FGF13: variants seen among roughly 807,000 people sequenced by gnomAD.
FGF13 encodes the protein fibroblast growth factor homologous factor 2.
Under a neutral mutation model 19.5 loss-of-function variants are expected in FGF13, and 2 were observed. The observed-to-expected ratio is 0.10, with a 90% CI of 0.04 to 0.32. The LOEUF (loss-of-function observed/expected upper bound fraction) is 0.32. Ranked by LOEUF, FGF13 falls within the 10% of genes least tolerant of loss-of-function variation. FGF13 has a pLI of 1.00. For missense variants in FGF13, 113 were observed against 192.7 expected (o/e 0.59, Z 2.45); for synonymous variants, 72 against 76.9 (o/e 0.94, Z 0.33).
intron 1 of FGF13, among the ~76,000 whole-genome samples, chrX:138,966,940 C>A (rs2091897466): frequency 9.0e-6 from 1 of 111,555 alleles, no homozygotes; most frequent in African/African-American, 3.3e-5. Context: ...GGGCTTCCCC[C>A]TTTGCTCAGC....
chrX:138,642,040 C>T (rs190173453), intron 3 of FGF13, among the ~76,000 whole-genome samples: 45 of 110,840 alleles, frequency 4.1e-4, no homozygotes, highest in Non-Finnish European at 1.9e-5. Context: ...CTACATTTTC[C>T]AATGAATAGA....
chrX:139,195,028 C>T (rs2148280110), intron 1 of FGF13, among the ~76,000 whole-genome samples: 1 of 112,110 alleles, frequency 8.9e-6, no homozygotes, highest in East Asian at 2.8e-4. Flanking sequence ...TGCCAAGTTT[C>T]ACCTTCGGTG....
intron 3 of FGF13, among the ~76,000 whole-genome samples, chrX:138,800,952 T>C (rs2090823856): frequency 8.9e-6 from 1 of 112,349 alleles, no homozygotes; most frequent in Non-Finnish European, 1.9e-5. Flanking sequence ...TGTTCTTCTC[T>C]AAACTGGCTA....
intron 1 of FGF13, among the ~76,000 whole-genome samples, chrX:139,096,936 C>G (rs2083474336): frequency 8.9e-6 from 1 of 112,090 alleles, no homozygotes; most frequent in African/African-American, 3.2e-5. Flanking sequence ...TATACCAACT[C>G]TTCCAGAGAA....
intron 1 of FGF13, among the ~76,000 whole-genome samples, chrX:138,893,774 T>C (rs947741332): frequency 9.0e-6 from 1 of 111,457 alleles, no homozygotes; most frequent in Admixed American, 9.5e-5. Context: ...GTGCCCAGCA[T>C]AGACACCCAC....
intron 3 of FGF13, among the ~76,000 whole-genome samples, chrX:138,681,918 A>T (rs1378862352): frequency 8.9e-6 from 1 of 112,032 alleles, no homozygotes; most frequent in Non-Finnish European, 1.9e-5. Context: ...AACAATTATA[A>T]GAGTAACATC....
At chrX:138,773,349 C>A (rs941553786) in intron 3 of FGF13, among the ~76,000 whole-genome samples, 14 of 111,897 alleles carry the variant, frequency 1.3e-4, no homozygotes, top group African/African-American at 4.6e-4. Context: ...CCTCAGAGGA[C>A]AAAGGAGCAA....
At chrX:138,764,347 C>G (rs1157415597) in intron 3 of FGF13, among the ~76,000 whole-genome samples, 1 of 112,080 alleles carries the variant, frequency 8.9e-6, no homozygotes, top group Non-Finnish European at 1.9e-5. Context: ...ATGGAGCAAT[C>G]CTCTAACCCC....
chrX:139,007,668 A>C (rs1447440924), intron 1 of FGF13, among the ~76,000 whole-genome samples: 2 of 112,582 alleles, frequency 1.8e-5, no homozygotes, highest in Admixed American at 1.9e-4. Context: ...ATAGAGATTA[A>C]GGTGGCAGAT....
chrX:139,008,790 G>T (rs915956166), intron 1 of FGF13, among the ~76,000 whole-genome samples: 1 of 111,471 alleles, frequency 9.0e-6, no homozygotes, highest in Non-Finnish European at 1.9e-5. Flanking sequence ...ACAAAACAAG[G>T]TTCTTTAACA....
intron 3 of FGF13, among the ~76,000 whole-genome samples, chrX:138,770,966 G>A (rs1321585768): frequency 1.8e-5 from 2 of 111,108 alleles, no homozygotes; most frequent in African/African-American, 3.3e-5. Context: ...CTTTGGCCAC[G>A]ACTGACCCCT....
At chrX:139,166,216 T>C (rs983470445) in intron 1 of FGF13, among the ~76,000 whole-genome samples, 3 of 111,860 alleles carry the variant, frequency 2.7e-5, no homozygotes, top group Admixed American at 9.4e-5. Context: ...TGGGAGGTAA[T>C]TGAATCATGG....
rs17510311 is a variant in FGF13 at position 138,632,322 on chromosome X, G to A, written c.*528C>T. 4.0e-3 allele frequency: 449 copies of A among 112,386 alleles called. 2 individuals carry two copies. Among genetic ancestry groups the A allele is most frequent in the Non-Finnish European group, 3.9e-3 (207 of 53,222 alleles). 9.3% of individuals were successfully genotyped at this position (112,386 alleles called of 1,213,427 possible). A position where few individuals can be genotyped will look rare whatever the true frequency, so the allele number is the denominator to read the frequency against. On this transcript the variant is annotated 3_prime_UTR_variant, in exon 5 of 5. Transcript: ENST00000315930. ...AAGTCAATAGAACCATTGAATTTCAGAAATCATAAAGTTGCACTATGCCAA... is the reference window on the plus strand; with the variant it reads ...AAGTCAATAGAACCATTGAATTTCAAAAATCATAAAGTTGCACTATGCCAA...
chrX:138,710,675 T>C (rs2090036863), intron 1 of FGF13, 142 bp downstream of exon 1: 2 of 1,039,963 alleles, frequency 1.9e-6, no homozygotes, highest in Non-Finnish European at 2.5e-6. Flanking sequence ...GCCAGCGCCT[T>C]CCCACGCACG....
intron 1 of FGF13, among the ~76,000 whole-genome samples, chrX:139,192,797 C>A (rs1033221817): frequency 2.7e-5 from 3 of 111,715 alleles, no homozygotes; most frequent in Non-Finnish European, 3.8e-5. Flanking sequence ...AGTAATTTGG[C>A]TTGGCCAGAG....
At chrX:139,040,519 G>T (rs778480795) in intron 1 of FGF13, among the ~76,000 whole-genome samples, 1 of 110,717 alleles carries the variant, frequency 9.0e-6, no homozygotes, top group East Asian at 2.8e-4. Flanking sequence ...ATCAAGATTT[G>T]CCTAAGACTA....
chrX:138,732,271 C>T (rs949917848), intron 1 of FGF13, among the ~76,000 whole-genome samples: 1 of 111,535 alleles, frequency 9.0e-6, no homozygotes, highest in Non-Finnish European at 1.9e-5. Flanking sequence ...CATTTGTCCA[C>T]AAAAAGATTG....
At chrX:138,962,120 T>C (rs773250203) in intron 1 of FGF13, among the ~76,000 whole-genome samples, 3 of 111,844 alleles carry the variant, frequency 2.7e-5, no homozygotes, top group Non-Finnish European at 5.6e-5. Flanking sequence ...ATATGCAGAA[T>C]CTACAAAGAA....
At chrX:139,116,472 T>C (rs989916551) in intron 1 of FGF13, among the ~76,000 whole-genome samples, 1 of 112,050 alleles carries the variant, frequency 8.9e-6, no homozygotes, top group South Asian at 3.7e-4. Flanking sequence ...TATAGCTTTG[T>C]CTTTTCTAGT....
Sources: allele counts gnomAD v4.1 joint callset (sites outside exome capture counted in the v4.1 genomes callset), GRCh38; gene constraint gnomAD v4.1.1; transcripts MANE v1.5; gene names NCBI Gene and HGNC (gene_info 2026-07-23, HGNC 2026-07-21).